TENM3: variants seen among roughly 807,000 people sequenced by gnomAD.
The protein encoded by TENM3 is teneurin-3.
A neutral mutation model predicts 255.1 loss-of-function variants in TENM3; 63 were observed. The ratio of observed to expected loss-of-function variants is 0.25; its 90% CI spans 0.20 to 0.30. The LOEUF is 0.30. TENM3 is among the 10% of genes least tolerant of loss of function. The pLI, the probability that TENM3 is intolerant of heterozygous loss-of-function variation, is 1.00. For synonymous variants in TENM3, 1,306 were observed against 1,322.3 expected (o/e 0.99, Z 0.27); for missense variants, 2,929 against 3,461.1 (o/e 0.85, Z 3.86).
At chr4:182,737,200 G>T in intron 17 of TENM3, 125 bp downstream of exon 17, 4 of 1,013,552 alleles carry the variant, frequency 3.9e-6, no homozygotes, top group Non-Finnish European at 5.8e-6. Flanking sequence ...TTGTCCTAGG[G>T]ATATTATACC....
At chr4:182,009,622 G>T in the TENM3 span, among the ~76,000 whole-genome samples, 6 of 152,286 alleles carry the variant, frequency 3.9e-5, no homozygotes, top group African/African-American at 1.4e-4. Context: ...AATGGGTGCT[G>T]CCCTTCCCCT....
the TENM3 span, among the ~76,000 whole-genome samples, chr4:182,088,231 T>C: frequency 5.9e-5 from 9 of 152,206 alleles, no homozygotes; most frequent in African/African-American, 2.2e-4. Flanking sequence ...ATTTTCATTA[T>C]GAGTACGAAA....
the TENM3 span, among the ~76,000 whole-genome samples, chr4:181,785,096 C>T: frequency 6.6e-6 from 1 of 152,032 alleles, no homozygotes; most frequent in African/African-American, 2.4e-5. Flanking sequence ...TTAGAAAAGG[C>T]TTAAGGGGAG....
Position 182,350,626 on chromosome 4 carries a change from A to T in TENM3, c.511+3697A>T, listed in dbSNP as rs541934314. On this transcript the variant is annotated intron_variant, in intron 3 of 27. Coordinates refer to ENST00000511685, the MANE Select transcript of TENM3 (RefSeq NM_001080477.4). ...ATGGGATACCCCAGTAAAAGGTAGA[A>T]TTCTCAGTGTGCTCTGGTTTATTGT... Among the ~76,000 whole-genome samples, 16 of 152,266 alleles carry T rather than the reference A, an allele frequency of 1.1e-4. No homozygotes were observed. In the South Asian group the frequency reaches 3.3e-3, roughly 32 times the overall value.
chr4:182,364,679 A>G (rs1215744840), intron 3 of TENM3, among the ~76,000 whole-genome samples: 1 of 152,186 alleles, frequency 6.6e-6, no homozygotes, highest in Non-Finnish European at 1.5e-5. Flanking sequence ...TCGGCCTCCC[A>G]TAGTGCTGGG....
At chr4:182,255,116 T>C (rs1758302292) in intron 1 of TENM3, among the ~76,000 whole-genome samples, 1 of 152,142 alleles carries the variant, frequency 6.6e-6, no homozygotes, top group African/African-American at 2.4e-5. Context: ...TTGTATATGA[T>C]TTAAATTTTA....
At chr4:181,508,270 C>G in the TENM3 span, among the ~76,000 whole-genome samples, 3 of 152,210 alleles carry the variant, frequency 2.0e-5, no homozygotes, top group Non-Finnish European at 2.9e-5. Context: ...TTTACAGCCT[C>G]CCTCTGAGCT....
chr4:182,124,254 A>T, the TENM3 span, among the ~76,000 whole-genome samples: 807 of 151,936 alleles, frequency 5.3e-3, 6 homozygotes, highest in African/African-American at 0.019. Flanking sequence ...GTTTCACCAT[A>T]TTGGTCAGGC....
At chr4:181,836,315 C>G in the TENM3 span, among the ~76,000 whole-genome samples, 1 of 152,024 alleles carries the variant, frequency 6.6e-6, no homozygotes, top group Admixed American at 6.6e-5. Flanking sequence ...GAAATTATAG[C>G]CATTTCTAAT....
the TENM3 span, among the ~76,000 whole-genome samples, chr4:181,792,691 A>G: frequency 6.6e-6 from 1 of 152,152 alleles, no homozygotes; most frequent in Admixed American, 6.5e-5. Flanking sequence ...GCCATTTCTA[A>G]TGTTTCTCCC....
intron 3 of TENM3, among the ~76,000 whole-genome samples, chr4:182,460,415 C>A (rs997419664): frequency 9.2e-5 from 14 of 152,024 alleles, no homozygotes; most frequent in African/African-American, 3.4e-4. Context: ...CAAAAATAAA[C>A]CTGCTTCTAT....
At chr4:182,245,954 G>A (rs1385959866) in intron 1 of TENM3, among the ~76,000 whole-genome samples, 3 of 152,076 alleles carry the variant, frequency 2.0e-5, no homozygotes, top group African/African-American at 7.2e-5. Context: ...TTTTATTGGC[G>A]GGCGCTCCTG....
chr4:181,767,251 CAAAA>C, the TENM3 span, among the ~76,000 whole-genome samples: 245 of 75,730 alleles, frequency 3.2e-3, no homozygotes, highest in African/African-American at 0.011. Context: ...GACTCCGTCT[CAAAA>C]AAAAAAAAAA....
chr4:181,685,865 C>T, the TENM3 span, among the ~76,000 whole-genome samples: 1 of 152,158 alleles, frequency 6.6e-6, no homozygotes, highest in Non-Finnish European at 1.5e-5. Flanking sequence ...AATCCCTGCA[C>T]ATTTTCTCAT....
At chr4:182,257,981 T>C (rs1053514405) in intron 1 of TENM3, among the ~76,000 whole-genome samples, 6 of 152,126 alleles carry the variant, frequency 3.9e-5, no homozygotes, top group African/African-American at 1.2e-4. Context: ...TCTTAATGTA[T>C]CCTGATTGAA....
At chr4:181,971,441 A>G in the TENM3 span, among the ~76,000 whole-genome samples, 2 of 152,358 alleles carry the variant, frequency 1.3e-5, no homozygotes, top group Admixed American at 1.3e-4. Context: ...AGCCAAATCT[A>G]GAAAAATTCA....
At chr4:182,566,052 A>G (rs1426437106) in intron 3 of TENM3, among the ~76,000 whole-genome samples, 1 of 152,176 alleles carries the variant, frequency 6.6e-6, no homozygotes, top group Non-Finnish European at 1.5e-5. Context: ...AAAAGGTCAG[A>G]CAGGGTGTCT....
chr4:181,961,883 A>G, the TENM3 span, among the ~76,000 whole-genome samples: 1 of 152,192 alleles, frequency 6.6e-6, no homozygotes, highest in East Asian at 1.9e-4. Context: ...CTTTCCTTTT[A>G]TAATGGCAAA....
chr4:181,674,702 G>T, the TENM3 span, among the ~76,000 whole-genome samples: 1 of 152,084 alleles, frequency 6.6e-6, no homozygotes, highest in Non-Finnish European at 1.5e-5. Flanking sequence ...GACCAGGATT[G>T]TTCTGAGTAG....
Sources: allele counts gnomAD v4.1 joint callset (sites outside exome capture counted in the v4.1 genomes callset), GRCh38; gene constraint gnomAD v4.1.1; transcripts MANE v1.5; gene names NCBI Gene and HGNC (gene_info 2026-07-23, HGNC 2026-07-21).